Variants in DRAM1 observed in about 807,000 individuals in gnomAD.
DRAM1 encodes DNA damage-regulated autophagy modulator protein 1.
A neutral mutation model predicts 28.5 loss-of-function variants in DRAM1; 25 were observed. That is an observed-to-expected ratio of 0.88 (90% confidence interval 0.64 to 1.23). The LOEUF (loss-of-function observed/expected upper bound fraction) is 1.23, where lower values mean the gene tolerates loss of function less well. DRAM1 is among the 50% of genes most tolerant of loss of function. The pLI is 0.00. For synonymous variants in DRAM1, 113 were observed against 114.2 expected, an observed-to-expected ratio of 0.99 and a Z score of 0.07; for missense variants, 249 against 299.2, an observed-to-expected ratio of 0.83 and a Z score of 1.24.
At chr12:101,897,952 T>C (rs750025797) in intron 2 of DRAM1, 22 bp downstream of exon 2, 3 of 1,372,822 alleles carry the variant, frequency 2.2e-6, no homozygotes, top group African/African-American at 2.9e-5. Context: ...ATAATTATTA[T>C]AAATAATTGA....
intron 5 of DRAM1, among the ~76,000 whole-genome samples, chr12:101,918,408 G>A (rs1874337729): frequency 6.6e-6 from 1 of 152,172 alleles, no homozygotes; most frequent in Non-Finnish European, 1.5e-5. Context: ...GATGTGGCAG[G>A]TCCCCTGGTA....
chr12:101,879,937 G>A (rs1376857968), intron 1 of DRAM1, among the ~76,000 whole-genome samples: 1 of 151,584 alleles, frequency 6.6e-6, no homozygotes, highest in Non-Finnish European at 1.5e-5. Context: ...GTTGCAGTGA[G>A]CCGAGACAGA....
At chr12:101,884,343 T>G (rs1338166404) in intron 1 of DRAM1, among the ~76,000 whole-genome samples, 2 of 123,516 alleles carry the variant, frequency 1.6e-5, no homozygotes, top group Admixed American at 2.0e-4. Flanking sequence ...TCACTCCAGC[T>G]TGGGTGACAG....
chr12:101,907,652 T>G (rs905012771), intron 3 of DRAM1, among the ~76,000 whole-genome samples: 2 of 152,088 alleles, frequency 1.3e-5, no homozygotes, highest in Admixed American at 1.3e-4. Flanking sequence ...GACAGGAGAA[T>G]TGCTTGAACC....
At chr12:101,894,128 T>A (rs1005044721) in intron 1 of DRAM1, among the ~76,000 whole-genome samples, 1 of 152,060 alleles carries the variant, frequency 6.6e-6, no homozygotes, top group African/African-American at 2.4e-5. Context: ...ATTTATTTTT[T>A]AATTTTTGAG....
At chr12:101,897,755 G>T in intron 1 of DRAM1, 108 bp from the exon 2 acceptor site, 1 of 759,676 alleles carries the variant, frequency 1.3e-6, no homozygotes, top group Non-Finnish European at 2.2e-6. Context: ...ATTCAAAGTG[G>T]CTGAACACCT....
chr12:101,914,165 T>G lies in DRAM1; in HGVS notation c.521-9T>G, dbSNP rs1268838823. On this transcript the variant is annotated splice_polypyrimidine_tract_variant and intron_variant, in intron 4 of 6. Transcript: ENST00000258534. ...TGCTGTAGTTTCCTTAACTGTTTAC[T>G]TCTTTCAGTGATTGTCTGTGCTTCA... The G allele has an allele frequency of 6.2e-7, 1 of 1,600,570 alleles. No individual in the cohort carries two copies. Among genetic ancestry groups the G allele is most frequent in the Non-Finnish European group, 8.5e-7 (1 of 1,173,790 alleles).
At position 101,922,057 on chromosome 12, in the gene DRAM1, G is replaced by GA. The variant is rs1193293223; in HGVS notation, c.*798dup. 1 of 152,180 alleles carries GA rather than the reference G, an allele frequency of 6.6e-6. No individual in the cohort carries two copies. Among genetic ancestry groups the GA allele is most frequent in the Non-Finnish European group, 1.5e-5 (1 of 68,038 alleles). The allele number at this position is 152,180 out of a possible 1,614,324, so 9.4% of individuals were successfully genotyped here. A position where few individuals can be genotyped will look rare whatever the true frequency, so the allele number is the denominator to read the frequency against. On this transcript the variant is annotated 3_prime_UTR_variant, in exon 7 of 7. Coordinates refer to ENST00000258534, the MANE Select transcript of DRAM1 (RefSeq NM_018370.3). ...GCTGGCACAACTTGATATATAGTCTGACTCAGAACTGAAGCTCACATCTCA... is the reference window on the plus strand; with the variant it reads ...GCTGGCACAACTTGATATATAGTCTGAACTCAGAACTGAAGCTCACATCTCA...
chr12:101,889,679 C>T (rs945636009), intron 1 of DRAM1, among the ~76,000 whole-genome samples: 1 of 152,160 alleles, frequency 6.6e-6, no homozygotes, highest in Non-Finnish European at 1.5e-5. Context: ...GTGGCTTACG[C>T]CTGTAATCCC....
intron 1 of DRAM1, among the ~76,000 whole-genome samples, chr12:101,886,938 G>C (rs1872905764): frequency 6.6e-6 from 1 of 152,116 alleles, no homozygotes; most frequent in Non-Finnish European, 1.5e-5. Flanking sequence ...TTGAGGTCAG[G>C]AGTTCAATAC....
chr12:101,897,400 C>G (rs560901937), intron 1 of DRAM1, among the ~76,000 whole-genome samples: 1 of 151,916 alleles, frequency 6.6e-6, no homozygotes, highest in Admixed American at 6.6e-5. Flanking sequence ...GGGGTTTTAC[C>G]ATGTTGGCCA....
intron 1 of DRAM1, among the ~76,000 whole-genome samples, chr12:101,894,859 A>C (rs1413214774): frequency 6.6e-6 from 1 of 152,096 alleles, no homozygotes; most frequent in Non-Finnish European, 1.5e-5. Flanking sequence ...GTTTGCTCCG[A>C]TGCCTGGCAT....
chr12:101,897,908 GAT>G lies in DRAM1; in HGVS notation c.179_180del (p.Ile60LysfsTer33). 6.2e-7 allele frequency: 1 copy of G among 1,606,758 alleles called. No individual in the cohort carries two copies. Among genetic ancestry groups the G allele is most frequent in the Non-Finnish European group, 8.5e-7 (1 of 1,173,944 alleles). On this transcript the variant is annotated frameshift_variant, in exon 2 of 7. Coordinates refer to ENST00000258534, the MANE Select transcript of DRAM1 (RefSeq NM_018370.3). LOFTEE classifies it high-confidence loss of function. ...CAGAGAGTGGTATTTTTGGATTTAT[GAT>G]AAACTTCTCTGCATTTCTTGGTAAG... ...PPESGIFGFM[I>X]NFSAFLGAAT...
Position 101,892,407 on chromosome 12 carries a change from T to A in DRAM1, c.132-5456T>A, listed in dbSNP as rs796498114. 4.0e-3 allele frequency among the ~76,000 whole-genome samples: 270 copies of A among 67,996 alleles called. 1 individual carries two copies. In the East Asian group the frequency reaches 0.1, roughly 26 times the overall value. The allele number at this position is 67,996 out of a possible 152,430, so 44.6% of individuals were successfully genotyped here. A position where few individuals can be genotyped will look rare whatever the true frequency, so the allele number is the denominator to read the frequency against. On this transcript the variant is annotated intron_variant, in intron 1 of 6. Coordinates refer to ENST00000258534, the MANE Select transcript of DRAM1 (RefSeq NM_018370.3). Reference sequence around the variant, plus strand: ...CCCACCACCATGCCAGGCTAATTTTTTTTTTTTTTTTTTTTTTTGTATTTT... The same window carrying A: ...CCCACCACCATGCCAGGCTAATTTTATTTTTTTTTTTTTTTTTTGTATTTT...
chr12:101,898,303 T>C (rs1873465685), intron 2 of DRAM1, among the ~76,000 whole-genome samples: 1 of 152,204 alleles, frequency 6.6e-6, no homozygotes, highest in Admixed American at 6.5e-5. Flanking sequence ...CTTATAGGTG[T>C]GAGCCACTGC....
intron 4 of DRAM1, among the ~76,000 whole-genome samples, chr12:101,910,272 A>G (rs1873988533): frequency 6.6e-6 from 1 of 152,160 alleles, no homozygotes; most frequent in Non-Finnish European, 1.5e-5. Flanking sequence ...CTCTTTGAAT[A>G]TATCTCCTTC....
chr12:101,885,752 T>A (rs949666492), intron 1 of DRAM1, among the ~76,000 whole-genome samples: 2 of 152,040 alleles, frequency 1.3e-5, no homozygotes, highest in African/African-American at 4.8e-5. Context: ...GGTCTCGAAC[T>A]CCTGGCCTCA....
At chr12:101,915,566 G>T (rs141620984) in intron 5 of DRAM1, among the ~76,000 whole-genome samples, 3,271 of 151,336 alleles carry the variant, frequency 0.022, 128 homozygotes, top group African/African-American at 0.075. Context: ...TTTTGAGACG[G>T]AGTTTCGCCC....
rs56843086 is a variant in DRAM1, at chr12:101,908,893, CAAAAAAAAAAAA to C, written c.520+540_520+551del. On this transcript the variant is annotated intron_variant, in intron 4 of 6. Transcript: ENST00000258534. Reference sequence around the variant, plus strand: ...GCTTGACACTTCCCTTCCCCACAACCAAAAAAAAAAAAAAAAAAAAAGCAAAGGATAACAACC... The same window carrying C: ...GCTTGACACTTCCCTTCCCCACAACCAAAAAAAAAGCAAAGGATAACAACC... Among the ~76,000 whole-genome samples, 6 of 70,918 alleles carry C rather than the reference CAAAAAAAAAAAA, an allele frequency of 8.5e-5. No homozygotes were observed. In the South Asian group the frequency reaches 1.9e-3, roughly 22 times the overall value. 46.5% of individuals were successfully genotyped at this position (70,918 alleles called of 152,430 possible).
Sources: allele counts gnomAD v4.1 joint callset (sites outside exome capture counted in the v4.1 genomes callset), GRCh38; gene constraint gnomAD v4.1.1; transcripts MANE v1.5; gene names NCBI Gene and HGNC (gene_info 2026-07-23, HGNC 2026-07-21).